The following PRMT3 variants were observed in gnomAD, a reference collection of about 807,000 sequenced individuals.
The protein encoded by PRMT3 is protein arginine N-methyltransferase 3.
Under a neutral mutation model 71.9 loss-of-function variants are expected in PRMT3, and 62 were observed. The ratio of observed to expected loss-of-function variants is 0.86; its 90% CI spans 0.70 to 1.07. The LOEUF is 1.07. PRMT3 is among the 50% of genes least tolerant of loss of function. The probability of loss-of-function intolerance (pLI) is 0.00; values close to 1 mark genes in which losing one functional copy is unlikely to be tolerated. For missense variants in PRMT3, 663 were observed against 643.0 expected (o/e 1.03, Z -0.34); for synonymous variants, 213 against 220.4 (o/e 0.97, Z 0.30).
intron 15 of PRMT3, among the ~76,000 whole-genome samples, chr11:20,507,968 T>C (rs1479442513): frequency 1.3e-5 from 2 of 151,780 alleles, no homozygotes; most frequent in Admixed American, 1.3e-4. Flanking sequence ...TAGCTGGGCA[T>C]GGTGGCATGC....
chr11:20,387,955 C>G lies in PRMT3; in HGVS notation c.29-64C>G. ...GCGGAGGAGAGCCCATCGTCACCTG[C>G]TCCTCGAGCCCCCGGGCCGCACCGG... On this transcript the variant is annotated intron_variant, in intron 1 of 15. Coordinates refer to ENST00000331079, the MANE Select transcript of PRMT3 (RefSeq NM_005788.4). This position sits in a 1 kb window ranked among gnomAD's most constrained non-coding sequence, Gnocchi z 4.3. 1.9e-6 allele frequency: 3 copies of G among 1,608,120 alleles called. No homozygotes were observed. Among genetic ancestry groups the G allele is most frequent in the South Asian group, 2.2e-5 (2 of 90,620 alleles).
At chr11:20,390,829 T>A (rs181464661) in intron 3 of PRMT3, among the ~76,000 whole-genome samples, 1 of 152,158 alleles carries the variant, frequency 6.6e-6, no homozygotes, top group Admixed American at 6.5e-5. Context: ...GGCGGATGGA[T>A]CACAAGGTCA....
chr11:20,447,863 A>G (rs1850065310), intron 10 of PRMT3, among the ~76,000 whole-genome samples: 1 of 152,122 alleles, frequency 6.6e-6, no homozygotes, highest in African/African-American at 2.4e-5. Flanking sequence ...ACAAGATTAT[A>G]TAAAGGATAT....
chr11:20,497,194 T>C (rs1851353670), intron 15 of PRMT3, among the ~76,000 whole-genome samples: 1 of 151,500 alleles, frequency 6.6e-6, no homozygotes, highest in Non-Finnish European at 1.5e-5. Context: ...CGAGAAAATA[T>C]TGTTTGATGA....
chr11:20,479,392 C>T (rs1850874030), intron 13 of PRMT3, among the ~76,000 whole-genome samples: 1 of 152,140 alleles, frequency 6.6e-6, no homozygotes, highest in South Asian at 2.1e-4. Context: ...TAATAAAATT[C>T]ACCCTATTTG....
intron 15 of PRMT3, among the ~76,000 whole-genome samples, chr11:20,505,316 T>G (rs185546286): frequency 6.6e-6 from 1 of 152,320 alleles, no homozygotes; most frequent in Admixed American, 6.5e-5. Flanking sequence ...TTACTTTATG[T>G]TGGGTCTCTG....
intron 7 of PRMT3, among the ~76,000 whole-genome samples, chr11:20,399,759 T>C (rs1365021205): frequency 2.0e-5 from 3 of 152,226 alleles, no homozygotes; most frequent in African/African-American, 7.2e-5. Flanking sequence ...CAAATCTTTA[T>C]CCTGGACACT....
At chr11:20,426,996 A>G in intron 10 of PRMT3, 131 bp downstream of exon 10, 1 of 1,285,400 alleles carries the variant, frequency 7.8e-7, no homozygotes, top group Non-Finnish European at 1.0e-6. Flanking sequence ...TAGCTACATT[A>G]GATACTATAA....
intron 13 of PRMT3, among the ~76,000 whole-genome samples, chr11:20,482,591 A>T (rs1195336466): frequency 6.6e-6 from 1 of 152,070 alleles, no homozygotes; most frequent in Non-Finnish European, 1.5e-5. Context: ...TGTGATAAGA[A>T]ATGAGTTGGA....
intron 8 of PRMT3, chr11:20,406,428 T>C (rs1255341070): frequency 6.6e-6 from 1 of 152,222 alleles, no homozygotes; most frequent in Non-Finnish European, 1.5e-5. Context: ...TTATTGCACT[T>C]AGCATAATGT....
intron 6 of PRMT3, among the ~76,000 whole-genome samples, 194 bp from the exon 7 acceptor site, chr11:20,397,383 A>G (rs898826344): frequency 1.9e-4 from 27 of 143,274 alleles, no homozygotes; most frequent in Admixed American, 3.3e-4. Flanking sequence ...TAGAAGGAGT[A>G]TGTATAATTG....
intron 15 of PRMT3, among the ~76,000 whole-genome samples, chr11:20,503,482 T>A (rs867759232): frequency 6.6e-6 from 1 of 152,276 alleles, no homozygotes; most frequent in Middle Eastern, 3.4e-3. Flanking sequence ...TCCAAAAAGT[T>A]TCTTCTGCAA....
At chr11:20,471,477 C>T (rs1051296777) in intron 13 of PRMT3, among the ~76,000 whole-genome samples, 7 of 152,008 alleles carry the variant, frequency 4.6e-5, no homozygotes, top group African/African-American at 1.7e-4. Context: ...GACTCCTTTC[C>T]CCTTTGCTTG....
intron 10 of PRMT3, among the ~76,000 whole-genome samples, chr11:20,447,897 A>G (rs1196286097): frequency 6.6e-6 from 1 of 152,180 alleles, no homozygotes; most frequent in Non-Finnish European, 1.5e-5. Context: ...CTATGCAAAC[A>G]AAAGTGACTG....
intron 3 of PRMT3, 121 bp from the exon 4 acceptor site, chr11:20,392,090 T>C (rs78454482): frequency 6.8e-6 from 6 of 888,142 alleles, no homozygotes; most frequent in Admixed American, 3.1e-5. Context: ...ATTCAAAATA[T>C]AAGTAGTAAT....
chr11:20,470,377 C>T (rs554081037), intron 13 of PRMT3, among the ~76,000 whole-genome samples: 2 of 152,116 alleles, frequency 1.3e-5, no homozygotes, highest in Admixed American at 6.6e-5. Context: ...ATTAGCTGTT[C>T]TTCCCTCAAC....
At chr11:20,475,619 A>G (rs975659472) in intron 13 of PRMT3, among the ~76,000 whole-genome samples, 1 of 151,390 alleles carries the variant, frequency 6.6e-6, no homozygotes, top group African/African-American at 2.4e-5. Context: ...AAACTTCATA[A>G]ATTTGAATAG....
At chr11:20,440,651 T>C (rs1849872811) in intron 10 of PRMT3, among the ~76,000 whole-genome samples, 1 of 151,830 alleles carries the variant, frequency 6.6e-6, no homozygotes, top group South Asian at 2.1e-4. Flanking sequence ...TATGCTTTTA[T>C]CAAAATGGTT....
Position 20,508,418 on chromosome 11 carries a change from G to T in PRMT3, c.*5G>T, listed in dbSNP as rs1421824670. 1.9e-6 allele frequency: 3 copies of T among 1,575,894 alleles called. No individual in the cohort carries two copies. The highest frequency in any genetic ancestry group is 2.6e-6 in the Non-Finnish European group (3 of 1,145,612). On this transcript the variant is annotated 3_prime_UTR_variant, in exon 16 of 16. Coordinates refer to ENST00000331079, the MANE Select transcript of PRMT3 (RefSeq NM_005788.4). ...CAAACTTATGGTCTCCAGTGAAACA[G>T]CCATAAAAGCACACTACCTTGTAGT...
Sources: gnomAD v4.1 joint callset for allele counts (sites outside exome capture counted in the v4.1 genomes callset) on GRCh38, gnomAD v4.1.1 for gene constraint, Gnocchi (gnomAD v3.1) non-coding constraint, MANE v1.5 for transcripts, NCBI Gene and HGNC (gene_info 2026-07-23, HGNC 2026-07-21) for gene names.